The following ADGRG4 variants were observed in gnomAD, a reference collection of about 807,000 sequenced individuals.
The protein encoded by ADGRG4 is adhesion G protein-coupled receptor G4, also known as G protein-coupled receptor 112.
Under a neutral mutation model 126.2 loss-of-function variants are expected in ADGRG4, and 122 were observed. The observed-to-expected ratio is 0.97, with a 90% CI of 0.83 to 1.12. The LOEUF is 1.12. Ranked by LOEUF, ADGRG4 falls within the 50% of genes most tolerant of loss-of-function variation. The probability of loss-of-function intolerance (pLI) is 0.00; values close to 1 mark genes in which losing one functional copy is unlikely to be tolerated. For missense variants in ADGRG4, 2,481 were observed against 2,251.8 expected (o/e 1.10, Z -2.06); for synonymous variants, 943 against 838.7 (o/e 1.12, Z -2.15).
At position 136,350,327 on chromosome X, in the gene ADGRG4, T is replaced by G. The variant is rs1188011990; in HGVS notation, c.6621T>G (p.Thr2207=). The G allele has an allele frequency of 8.3e-7, 1 of 1,210,483 alleles. No individual in the cohort carries two copies. The highest frequency in any genetic ancestry group is 1.7e-5 in the African/African-American group (1 of 57,794). The stretch of plus-strand genomic sequence containing the variant: ...GGGTGACATATCCTTTTACAGCAAC[T>G]GTGTCTTCACCAATATCGTCCTTTT... ...STGVTYPFTA[T]VSSPISSFFE... Residue 2207 remains threonine, a synonymous_variant, in exon 6 of 26, where the codon ACT becomes ACG. Coordinates refer to ENST00000394143, the MANE Select transcript of ADGRG4 (RefSeq NM_153834.4).
intron 11 of ADGRG4, among the ~76,000 whole-genome samples, chrX:136,359,847 C>T (rs1015868240): frequency 2.7e-4 from 30 of 111,826 alleles, no homozygotes; most frequent in African/African-American, 9.4e-4. Flanking sequence ...GGCAAGTGAT[C>T]AGGGAACTGT....
intron 3 of ADGRG4, among the ~76,000 whole-genome samples, chrX:136,307,768 C>T (rs1053819308): frequency 1.8e-5 from 2 of 112,318 alleles, no homozygotes; most frequent in East Asian, 2.8e-4. Flanking sequence ...ATCAGAAATG[C>T]CCATCAGCAC....
At chrX:136,402,882 T>C (rs1054144172) in intron 21 of ADGRG4, among the ~76,000 whole-genome samples, 5 of 111,836 alleles carry the variant, frequency 4.5e-5, no homozygotes, top group Middle Eastern at 4.2e-3. Context: ...AAAGGGGCGA[T>C]GTGAAAGGGA....
intron 6 of ADGRG4, 53 bp from the exon 7 acceptor site, chrX:136,351,394 T>C: frequency 1.4e-6 from 1 of 723,226 alleles, no homozygotes; most frequent in Non-Finnish European, 2.0e-6. Context: ...TTTACAGAAG[T>C]CAAATTTCTT....
chrX:136,394,596 A>G (rs1458866960), intron 18 of ADGRG4, among the ~76,000 whole-genome samples: 1 of 111,803 alleles, frequency 8.9e-6, no homozygotes, highest in Non-Finnish European at 1.9e-5. Context: ...TTTGTCCCCT[A>G]CAACCTCAAT....
intron 15 of ADGRG4, among the ~76,000 whole-genome samples, chrX:136,374,409 G>T (rs1419692860): frequency 9.0e-6 from 1 of 110,829 alleles, no homozygotes; most frequent in Admixed American, 9.6e-5. Context: ...TGGCTCATAG[G>T]TACATGTTTA....
intron 16 of ADGRG4, among the ~76,000 whole-genome samples, chrX:136,390,370 G>A (rs1187276713): frequency 9.9e-5 from 11 of 111,336 alleles, no homozygotes; most frequent in Admixed American, 9.6e-4. Context: ...TTGTTGATAA[G>A]GCACCACTCT....
chrX:136,309,123 G>A (rs951480162), intron 4 of ADGRG4, among the ~76,000 whole-genome samples: 3 of 112,471 alleles, frequency 2.7e-5, no homozygotes, highest in Non-Finnish European at 5.6e-5. Context: ...GCCATTTGGC[G>A]GCTAATGCAC....
intron 21 of ADGRG4, among the ~76,000 whole-genome samples, chrX:136,402,701 G>T (rs965115744): frequency 2.7e-5 from 3 of 110,859 alleles, no homozygotes; most frequent in African/African-American, 9.9e-5. Flanking sequence ...TGAACTGATT[G>T]CTTTATTATA....
At chrX:136,319,697 T>TTCTATCTATCTATCTA (rs59139457) in intron 4 of ADGRG4, among the ~76,000 whole-genome samples, 8 of 95,092 alleles carry the variant, frequency 8.4e-5, no homozygotes, top group East Asian at 7.0e-4. Context: ...GCCACAGTGA[T>TTCTATCTATCTATCTA]TCTATCTATC....
Position 136,353,472 on chromosome X carries a change from G to A in ADGRG4, c.6887+71G>A, listed in dbSNP as rs915046237. ...ATTTTGGGTCTGTTCCTATCTGGAGGGGATGTCCTATGTTTATGTCTGAGA... is the reference window on the plus strand; with the variant it reads ...ATTTTGGGTCTGTTCCTATCTGGAGAGGATGTCCTATGTTTATGTCTGAGA... On this transcript the variant is annotated intron_variant, in intron 8 of 25. Coordinates refer to ENST00000394143, the MANE Select transcript of ADGRG4 (RefSeq NM_153834.4). 31 of 693,818 alleles carry A rather than the reference G, an allele frequency of 4.5e-5. No homozygotes were observed. The Admixed American group carries it at 7.3e-4, about 16-fold the overall frequency. 57.2% of individuals were successfully genotyped at this position (693,818 alleles called of 1,213,427 possible).
intron 5 of ADGRG4, among the ~76,000 whole-genome samples, chrX:136,340,057 T>G (rs962193679): frequency 9.0e-6 from 1 of 111,656 alleles, no homozygotes; most frequent in African/African-American, 3.3e-5. Flanking sequence ...GAAAGATTGA[T>G]GAAGCAGAAG....
chrX:136,304,081 T>C (rs2074718954), intron 1 of ADGRG4, 52 bp from the exon 2 acceptor site: 1 of 111,336 alleles, frequency 9.0e-6, no homozygotes, highest in African/African-American at 3.3e-5. Flanking sequence ...CTTATTTATA[T>C]CTATCTCACA....
chrX:136,393,881 T>C (rs1055950474), intron 18 of ADGRG4, among the ~76,000 whole-genome samples: 45 of 111,977 alleles, frequency 4.0e-4, no homozygotes, highest in African/African-American at 1.4e-3. Flanking sequence ...TACAAGTATC[T>C]TAGGCCCCAA....
chrX:136,347,495 A>G lies in ADGRG4; in HGVS notation c.3789A>G (p.Ile1263Met), dbSNP rs1316505138. The change falls in exon 6 of 26, where the codon ATA becomes ATG. Residue 1263 changes from isoleucine (I) to methionine (M), a missense_variant. By Grantham distance (10) the Ile-to-Met change is conservative. Transcript: ENST00000394143. ...VLSSDKDQMT[I>M]SLGKTPRTME... The stretch of plus-strand genomic sequence containing the variant: ...CTTCCGACAAAGACCAGATGACCAT[A>G]TCCCTGGGAAAAACCCCTAGAACTA... 1.7e-6 allele frequency: 2 copies of G among 1,207,972 alleles called. No homozygotes were observed. Among genetic ancestry groups the G allele is most frequent in the Non-Finnish European group, 2.2e-6 (2 of 893,598 alleles).
At chrX:136,401,559 C>T (rs1324646600) in intron 21 of ADGRG4, among the ~76,000 whole-genome samples, 1 of 111,756 alleles carries the variant, frequency 8.9e-6, no homozygotes, top group East Asian at 2.8e-4. Flanking sequence ...AGAAGTCTGA[C>T]TGGCTCAATC....
At position 136,331,073 on chromosome X, in the gene ADGRG4, C is replaced by G. The variant is rs761250124; in HGVS notation, c.685+7681C>G. On this transcript the variant is annotated intron_variant, in intron 5 of 25. Coordinates refer to ENST00000394143, the MANE Select transcript of ADGRG4 (RefSeq NM_153834.4). ...GTTCAATTGTTTTGATTTTTGTAGC[C>G]CACAAACAAATGAGAACATGCGATG... Among the ~76,000 whole-genome samples the G allele has an allele frequency of 8.2e-5, 9 of 110,427 alleles. No homozygotes were observed. In the South Asian group the frequency reaches 3.6e-3, roughly 44 times the overall value.
chrX:136,320,305 G>T (rs1263637267), intron 4 of ADGRG4, among the ~76,000 whole-genome samples: 1 of 112,134 alleles, frequency 8.9e-6, no homozygotes, highest in Admixed American at 9.5e-5. Context: ...AAATGAAATT[G>T]CTGGGTCAAA....
intron 4 of ADGRG4, among the ~76,000 whole-genome samples, chrX:136,314,714 C>G (rs191345980): frequency 6.3e-5 from 7 of 111,777 alleles, no homozygotes; most frequent in African/African-American, 2.3e-4. Flanking sequence ...GTGTTTTTTC[C>G]TTTACTTGTT....
Sources: allele counts gnomAD v4.1 joint callset (sites outside exome capture counted in the v4.1 genomes callset), GRCh38; gene constraint gnomAD v4.1.1; transcripts MANE v1.5; gene names NCBI Gene and HGNC (gene_info 2026-07-23, HGNC 2026-07-21).